NUGGC: variants seen among roughly 807,000 people sequenced by gnomAD.
NUGGC encodes the protein nuclear GTPase, germinal center associated.
In NUGGC, 58 loss-of-function variants were observed where a neutral mutation model predicts 92.6. The observed-to-expected ratio is 0.63, with a 90% CI of 0.51 to 0.78. The LOEUF (loss-of-function observed/expected upper bound fraction) is 0.78, where lower values mean the gene tolerates loss of function less well. Among genes scored for constraint, NUGGC ranks in the 30% least tolerant of loss-of-function variants. The probability of loss-of-function intolerance (pLI) is 0.00; values close to 1 mark genes in which losing one functional copy is unlikely to be tolerated. For missense variants in NUGGC, 925 were observed against 964.6 expected, an observed-to-expected ratio of 0.96 and a Z score of 0.54; for synonymous variants, 376 against 366.4, an observed-to-expected ratio of 1.03 and a Z score of -0.30.
At chr8:28,069,823 G>A (rs1810541559) in intron 3 of NUGGC, 171 bp from the exon 4 acceptor site, 1 of 595,962 alleles carries the variant, frequency 1.7e-6, no homozygotes, top group East Asian at 2.8e-5. Flanking sequence ...GCTCACTGGA[G>A]ATAGCAATCA....
chr8:28,027,301 G>T (rs960549859), intron 17 of NUGGC, among the ~76,000 whole-genome samples: 7 of 152,160 alleles, frequency 4.6e-5, no homozygotes, highest in Non-Finnish European at 7.4e-5. Context: ...ACAGGCTCGT[G>T]GGGGGCTGCA....
chr8:28,031,321 C>G lies in NUGGC; in HGVS notation c.1830G>C (p.Leu610=), dbSNP rs544358490. The G allele has an allele frequency of 9.3e-6, 15 of 1,613,928 alleles. No homozygotes were observed. In the African/African-American group the frequency reaches 1.3e-4, roughly 14 times the overall value. The change falls in exon 15 of 19, where the codon CTG becomes CTC. Residue 610 remains leucine, a synonymous_variant. Transcript: ENST00000413272. ...MPHIDAFKQS[L]QEKMTEIGIR... is the part of the protein sequence containing the mutation. Reference sequence around the variant, plus strand: ...TCCCAATTTCTGTCATTTTCTCCTGCAGGGACTGCTTAAAAGCATCTATGT... The same window carrying G: ...TCCCAATTTCTGTCATTTTCTCCTGGAGGGACTGCTTAAAAGCATCTATGT...
intron 1 of NUGGC, among the ~76,000 whole-genome samples, chr8:28,077,080 T>C (rs1373722603): frequency 6.6e-6 from 1 of 151,912 alleles, no homozygotes; most frequent in Non-Finnish European, 1.5e-5. Context: ...TTACTTGAAA[T>C]TTTCACCAAG....
intron 5 of NUGGC, 69 bp downstream of exon 5, chr8:28,068,147 G>A (rs1488323282): frequency 6.7e-6 from 6 of 901,776 alleles, no homozygotes; most frequent in Non-Finnish European, 1.1e-5. Context: ...AGGAAGGAGG[G>A]AACGAAAAAG....
chr8:28,082,850 G>C (rs1306863472), intron 1 of NUGGC, among the ~76,000 whole-genome samples: 2 of 152,138 alleles, frequency 1.3e-5, no homozygotes, highest in Non-Finnish European at 2.9e-5. Flanking sequence ...AGATTACAGT[G>C]AGCCATGTTC....
chr8:28,074,327 G>A, intron 2 of NUGGC, 41 bp downstream of exon 2: 1 of 1,385,934 alleles, frequency 7.2e-7, no homozygotes, highest in Non-Finnish European at 1.0e-6. Context: ...TCAGTAATCA[G>A]TTCCTATATC....
chr8:28,053,749 G>A (rs746263606), intron 10 of NUGGC, among the ~76,000 whole-genome samples: 10 of 152,258 alleles, frequency 6.6e-5, no homozygotes, highest in South Asian at 2.1e-4. Flanking sequence ...AGTATTCTAC[G>A]TTTCCATTTC....
At chr8:28,065,762 T>G (rs560494010) in intron 6 of NUGGC, among the ~76,000 whole-genome samples, 37 of 152,320 alleles carry the variant, frequency 2.4e-4, no homozygotes, top group South Asian at 2.1e-3. Context: ...TTAAGAGAGT[T>G]TAAATTAAAT....
chr8:28,053,397 G>A (rs1263279847), intron 10 of NUGGC, among the ~76,000 whole-genome samples: 1 of 151,860 alleles, frequency 6.6e-6, no homozygotes, highest in East Asian at 1.9e-4. Context: ...CGGGCAGGAA[G>A]ATAGCTTGAG....
In NUGGC at chr8:28,045,773, C is replaced by A. The variant is rs183357078; in HGVS notation, c.1313-113G>T. ...GATATGAATGAAGTAGAGTTGAGAT[C>A]CCAAGTGGGCTGGATGCCTACAGAA... On this transcript the variant is annotated intron_variant, in intron 11 of 18. Transcript: ENST00000413272. 1.9e-5 allele frequency: 22 copies of A among 1,162,636 alleles called. No homozygotes were observed. The Admixed American group carries it at 2.0e-4, about 11-fold the overall frequency. The allele number at this position is 1,162,636 out of a possible 1,614,324, so 72.0% of individuals were successfully genotyped here. A position where few individuals can be genotyped will look rare whatever the true frequency, so the allele number is the denominator to read the frequency against.
chr8:28,051,237 G>A (rs1809993699), intron 10 of NUGGC, among the ~76,000 whole-genome samples: 1 of 152,186 alleles, frequency 6.6e-6, no homozygotes, highest in African/African-American at 2.4e-5. Flanking sequence ...TCTTGTTGTA[G>A]CTAGACAGCA....
intron 1 of NUGGC, among the ~76,000 whole-genome samples, chr8:28,080,805 C>T (rs970236783): frequency 6.6e-6 from 1 of 152,114 alleles, no homozygotes; most frequent in Non-Finnish European, 1.5e-5. Context: ...ACTGGGGGTA[C>T]AGCAGGAAAC....
chr8:28,064,371 C>CA (rs1466329559), intron 7 of NUGGC, 151 bp downstream of exon 7: 6 of 697,764 alleles, frequency 8.6e-6, no homozygotes, highest in Admixed American at 5.5e-5. Flanking sequence ...CACACCCTGC[C>CA]AGGGCCTTGA....
In NUGGC at chr8:28,074,456, C is replaced by A. The variant is rs1421800736; in HGVS notation, c.-46G>T. ...GCTCTTCTCAGTTCAGGAGAACCAG[C>A]CTGTGAAGACAAAGTACAAAGACAG... On this transcript the variant is annotated splice_region_variant and 5_prime_UTR_variant, in exon 2 of 19. Coordinates refer to ENST00000413272, the MANE Select transcript of NUGGC (RefSeq NM_001010906.2). 5 of 1,607,224 alleles carry A rather than the reference C, an allele frequency of 3.1e-6. No homozygotes were observed. The highest frequency in any genetic ancestry group is 4.3e-6 in the Non-Finnish European group (5 of 1,175,152).
chr8:28,049,522 G>C (rs766710627), intron 10 of NUGGC, among the ~76,000 whole-genome samples: 16 of 152,140 alleles, frequency 1.1e-4, no homozygotes, highest in Non-Finnish European at 2.2e-4. Context: ...TAACATTTAT[G>C]CTTTTTATTG....
Position 28,045,584 on chromosome 8 carries a change from A to G in NUGGC, c.1389T>C (p.Thr463=), listed in dbSNP as rs1315980313. 2 of 1,613,116 alleles carry G rather than the reference A, an allele frequency of 1.2e-6. No homozygotes were observed. Among genetic ancestry groups the G allele is most frequent in the Middle Eastern group, 1.8e-4 (1 of 5,444 alleles). Residue 463 remains threonine (T), a synonymous_variant, in exon 12 of 19, where the codon ACT becomes ACC. Transcript: ENST00000413272. ...TGAGGAGCAACAGGCCAAAGGCTTCAGTCACATACTTGGTCACTGTCCTCT... is the reference window on the plus strand; with the variant it reads ...TGAGGAGCAACAGGCCAAAGGCTTCGGTCACATACTTGGTCACTGTCCTCT... ...KKKRTVTKYV[T]EAFGLLLLTD...
intron 18 of NUGGC, among the ~76,000 whole-genome samples, chr8:28,024,695 G>A (rs531209200): frequency 6.6e-6 from 1 of 152,196 alleles, no homozygotes; most frequent in East Asian, 1.9e-4. Context: ...GCCAGGGATG[G>A]GACTCATGAG....
At position 28,030,292 on chromosome 8, in the gene NUGGC, G is replaced by C; in HGVS notation, c.2017+18C>G. The C allele has an allele frequency of 7.3e-7, 1 of 1,374,052 alleles. No individual in the cohort carries two copies. Among genetic ancestry groups the C allele is most frequent in the Non-Finnish European group, 1.0e-6 (1 of 982,618 alleles). 85.1% of individuals were successfully genotyped at this position (1,374,052 alleles called of 1,614,324 possible). On this transcript the variant is annotated intron_variant, in intron 16 of 18. Coordinates refer to ENST00000413272, the MANE Select transcript of NUGGC (RefSeq NM_001010906.2). ...AAGTCCCAGAGCAGGCAGAAATGCT[G>C]TCCTCCGCAGCCCCCACCTTCGTAA...
In NUGGC at chr8:28,044,618, G is replaced by A. The variant is rs114948196; in HGVS notation, c.1446+909C>T. Among the ~76,000 whole-genome samples, 24 of 152,282 alleles carry A rather than the reference G, an allele frequency of 1.6e-4. 1 individual carries two copies. The highest frequency in any genetic ancestry group is 2.6e-4 in the Admixed American group (4 of 15,308). The stretch of plus-strand genomic sequence containing the variant: ...TTAGGGAAGTTATTCATCAAGTCCC[G>A]GCCATCTGGTGCTGATTGTTACAGA... On this transcript the variant is annotated intron_variant, in intron 12 of 18. Coordinates refer to ENST00000413272, the MANE Select transcript of NUGGC (RefSeq NM_001010906.2).
Sources: gnomAD v4.1 joint callset for allele counts (sites outside exome capture counted in the v4.1 genomes callset) on GRCh38, gnomAD v4.1.1 for gene constraint, MANE v1.5 for transcripts, NCBI Gene and HGNC (gene_info 2026-07-23, HGNC 2026-07-21) for gene names.